Variants in HFM1 observed in about 807,000 individuals in gnomAD.
HFM1 encodes the protein helicase for meiosis 1.
HFM1 carries 169 observed loss-of-function variants against 192.1 expected under a neutral mutation model. The observed-to-expected ratio is 0.88, with a 90% CI of 0.78 to 1.00. The LOEUF (loss-of-function observed/expected upper bound fraction) is 1.00. Among genes scored for constraint, HFM1 ranks in the 50% least tolerant of loss-of-function variants. The pLI is 0.00. For missense variants in HFM1, 1,661 were observed against 1,668.0 expected, an observed-to-expected ratio of 1.00 and a Z score of 0.07; for synonymous variants, 525 against 537.8, an observed-to-expected ratio of 0.98 and a Z score of 0.33.
chr1:91,407,507 C>G (rs191102221), upstream of HFM1, among the ~76,000 whole-genome samples: 3 of 152,234 alleles, frequency 2.0e-5, no homozygotes, highest in African/African-American at 7.2e-5. Context: ...ATTTGTTCTT[C>G]TATTTCTGGA....
intron 20 of HFM1, among the ~76,000 whole-genome samples, chr1:91,329,841 G>A (rs1297908016): frequency 6.6e-6 from 1 of 152,170 alleles, no homozygotes; most frequent in Non-Finnish European, 1.5e-5. Flanking sequence ...GGAGATAAAA[G>A]GGGGAGACAA....
At chr1:91,322,854 T>A (rs1209009712) in intron 23 of HFM1, 96 bp downstream of exon 23, 7 of 551,880 alleles carry the variant, frequency 1.3e-5, no homozygotes, top group Admixed American at 3.8e-5. Flanking sequence ...ACATTCTGAC[T>A]CATTTTTATG....
intron 28 of HFM1, 93 bp downstream of exon 28, chr1:91,315,722 C>A: frequency 1.2e-6 from 1 of 849,364 alleles, no homozygotes; most frequent in South Asian, 2.4e-5. Context: ...TTAGTTGATC[C>A]CACAATGATC....
intron 30 of HFM1, among the ~76,000 whole-genome samples, chr1:91,302,718 G>A (rs1336687933): frequency 1.4e-5 from 2 of 143,724 alleles, no homozygotes; most frequent in African/African-American, 2.5e-5. Context: ...TTACTCATAG[G>A]TGGAATTGAA....
intron 15 of HFM1, 32 bp downstream of exon 15, chr1:91,353,019 T>C (rs779338523): frequency 7.5e-7 from 1 of 1,332,842 alleles, no homozygotes; most frequent in Non-Finnish European, 1.1e-6. Context: ...CAAAATATTT[T>C]ATAGTATCCA....
Position 91,262,301 on chromosome 1 carries a change from T to C in HFM1, c.4178A>G (p.Asn1393Ser), listed in dbSNP as rs1308222128. Residue 1393 changes from asparagine (N) to serine (S), a missense_variant, in exon 38 of 39, where the codon AAT (asparagine) becomes AGT (serine). Asn to Ser is a conservative substitution (Grantham distance 46). Transcript: ENST00000370425. ...AATAAAAAAATCCACTTTTTTATAA[T>C]TTGAAGAATTTGGGTTTTTTTCAGA... ...TFSEKNPNSS[N>S]YKKVDFFIRN... is the part of the protein sequence containing the mutation. 1 of 1,499,390 alleles carries C rather than the reference T, an allele frequency of 6.7e-7. No individual in the cohort carries two copies. The highest frequency in any genetic ancestry group is 1.2e-5 in the South Asian group (1 of 80,054). The allele number at this position is 1,499,390 out of a possible 1,614,324, so 92.9% of individuals were successfully genotyped here.
At chr1:91,391,783 G>A (rs1270350044) in intron 4 of HFM1, among the ~76,000 whole-genome samples, 2 of 152,122 alleles carry the variant, frequency 1.3e-5, no homozygotes, top group African/African-American at 4.8e-5. Flanking sequence ...CTTCTGCACA[G>A]CAAAGAAACT....
chr1:91,305,094 G>A (rs1216354293), intron 30 of HFM1, among the ~76,000 whole-genome samples: 1 of 152,126 alleles, frequency 6.6e-6, no homozygotes, highest in African/African-American at 2.4e-5. Context: ...TTGAAACCAA[G>A]AATTGTGAGT....
At chr1:91,313,909 G>T in intron 29 of HFM1, 48 bp downstream of exon 29, 1 of 994,728 alleles carries the variant, frequency 1.0e-6, no homozygotes, top group Non-Finnish European at 1.5e-6. Flanking sequence ...ATTTTTAAAT[G>T]CAATTATATT....
At chr1:91,343,646 G>A in intron 19 of HFM1, 136 bp from the exon 20 acceptor site, 1 of 392,306 alleles carries the variant, frequency 2.5e-6, no homozygotes, top group South Asian at 1.1e-4. Flanking sequence ...TACTTAAGCA[G>A]TAAGAGAAAG....
At chr1:91,328,770 T>C (rs1187745344) in intron 20 of HFM1, 1 of 1,611,098 alleles carries the variant, frequency 6.2e-7, no homozygotes, top group East Asian at 2.2e-5. Context: ...ACTAAGTGGC[T>C]GGTGAAGGTC....
chr1:91,339,813 ATAC>A (rs1401078479), intron 20 of HFM1, among the ~76,000 whole-genome samples: 1 of 152,162 alleles, frequency 6.6e-6, no homozygotes, highest in African/African-American at 2.4e-5. Flanking sequence ...CCCCAGTGAG[ATAC>A]TATATAGAAC....
chr1:91,335,972 C>T (rs1190893202), intron 20 of HFM1, among the ~76,000 whole-genome samples: 1 of 150,572 alleles, frequency 6.6e-6, no homozygotes, highest in East Asian at 2.0e-4. Flanking sequence ...CTCCCTCTCT[C>T]CCTCTCTCCT....
chr1:91,350,175 G>C (rs1264144535), intron 18 of HFM1, among the ~76,000 whole-genome samples: 2 of 151,924 alleles, frequency 1.3e-5, no homozygotes, highest in South Asian at 2.1e-4. Flanking sequence ...TGAAAGTTTT[G>C]AACCTCTGTA....
chr1:91,276,051 T>G (rs1255748899), intron 32 of HFM1, among the ~76,000 whole-genome samples: 1 of 152,050 alleles, frequency 6.6e-6, no homozygotes, highest in Non-Finnish European at 1.5e-5. Context: ...TGAGAAAGAG[T>G]TTCTTTAAAG....
chr1:91,303,261 T>C lies in HFM1; in HGVS notation c.3391+10088A>G, dbSNP rs367776088. ...ACCTGTTCTAGACACTTCATATAAA[T>C]TGAACCATACAATATCTGGTCTTCT... On this transcript the variant is annotated intron_variant, in intron 30 of 38. Coordinates refer to ENST00000370425, the MANE Select transcript of HFM1 (RefSeq NM_001017975.6). Among the ~76,000 whole-genome samples, 30 of 152,352 alleles carry C rather than the reference T, an allele frequency of 2.0e-4. No individual in the cohort carries two copies. In the South Asian group the frequency reaches 6.0e-3, roughly 30 times the overall value.
At chr1:91,323,816 C>T (rs1428705091) in intron 21 of HFM1, among the ~76,000 whole-genome samples, 3 of 152,144 alleles carry the variant, frequency 2.0e-5, no homozygotes, top group Non-Finnish European at 4.4e-5. Flanking sequence ...CTCTTGATTT[C>T]TCCTTAGTTA....
intron 20 of HFM1, chr1:91,328,462 G>T: frequency 6.2e-7 from 1 of 1,613,216 alleles, no homozygotes; most frequent in Non-Finnish European, 8.5e-7. Context: ...GAGCTACTTT[G>T]GCCGTAAGGT....
At chr1:91,344,984 T>A (rs1159099919) in intron 19 of HFM1, among the ~76,000 whole-genome samples, 1 of 152,066 alleles carries the variant, frequency 6.6e-6, no homozygotes, top group Non-Finnish European at 1.5e-5. Flanking sequence ...ACTCCTGAGC[T>A]CAAGGCAATC....
Sources: gnomAD v4.1 joint callset for allele counts (sites outside exome capture counted in the v4.1 genomes callset) on GRCh38, gnomAD v4.1.1 for gene constraint, MANE v1.5 for transcripts, NCBI Gene and HGNC (gene_info 2026-07-23, HGNC 2026-07-21) for gene names.